Variants in GNAT2 observed in about 807,000 individuals in gnomAD.
The protein encoded by GNAT2 is guanine nucleotide-binding protein G(t) subunit alpha-2.
GNAT2 carries 32 observed loss-of-function variants against 40.9 expected under a neutral mutation model. The ratio of observed to expected loss-of-function variants is 0.78; its 90% CI spans 0.59 to 1.05. The LOEUF is 1.05. GNAT2 is among the 50% of genes least tolerant of loss of function. The pLI is 0.00. For synonymous variants in GNAT2, 141 were observed against 157.2 expected (o/e 0.90, Z 0.77); for missense variants, 355 against 431.5 (o/e 0.82, Z 1.57).
rs1476110210 is a variant in GNAT2 at position 109,603,452 on chromosome 1, T to C, written c.967A>G (p.Met323Val). Reference protein sequence around the residue: ...RKDVKEIYSHMTCATDTQNVK... With the variant: ...RKDVKEIYSHVTCATDTQNVK... ...TTCTGTGTATCTGTAGCACAGGTCA[T>C]GTGACTGTAGATTTCTTTGACATCT... The change falls in exon 9 of 9, where the codon ATG (methionine) becomes GTG (valine). Residue 323 changes from methionine to valine, a missense_variant. Coordinates refer to ENST00000679935, the MANE Select transcript of GNAT2 (RefSeq NM_001377295.2). The C allele has an allele frequency of 1.3e-6, 2 of 1,596,646 alleles. No homozygotes were observed. Among genetic ancestry groups the C allele is most frequent in the African/African-American group, 1.3e-5 (1 of 74,602 alleles).
chr1:109,605,714 G>A (rs1649571713), intron 7 of GNAT2: 5 of 450,354 alleles, frequency 1.1e-5, no homozygotes, highest in South Asian at 1.0e-4. Context: ...TGAGCTTTGT[G>A]ATGTCCAAGT....
At chr1:109,608,517 C>T (rs1649684367) in intron 5 of GNAT2, 114 bp downstream of exon 5, 1 of 946,984 alleles carries the variant, frequency 1.1e-6, no homozygotes. Flanking sequence ...CAGTCTGGGT[C>T]TCCAGCTTTC....
At chr1:109,608,341 G>T in intron 5 of GNAT2, 1 of 463,314 alleles carries the variant, frequency 2.2e-6, no homozygotes. Flanking sequence ...CAGGGCTGAG[G>T]GCTACTAGGC....
chr1:109,606,593 A>G (rs1469415982), intron 5 of GNAT2, 157 bp from the exon 6 acceptor site: 5 of 660,262 alleles, frequency 7.6e-6, no homozygotes, highest in Admixed American at 2.2e-5. Context: ...TCAAACCTTC[A>G]TATGTCATTA....
At chr1:109,606,557 T>C (rs1649604646) in intron 5 of GNAT2, 121 bp from the exon 6 acceptor site, 2 of 818,060 alleles carry the variant, frequency 2.4e-6, no homozygotes, top group Non-Finnish European at 4.2e-6. Flanking sequence ...CTAGAAGCCA[T>C]ATTGTTAAAT....
Position 109,606,117 on chromosome 1 carries a change from T to A in GNAT2, c.591-18A>T, listed in dbSNP as rs761188037. On this transcript the variant is annotated intron_variant, in intron 6 of 8. Coordinates refer to ENST00000679935, the MANE Select transcript of GNAT2 (RefSeq NM_001377295.2). ...CAAACATCCTGAGGGAAGAAGCAGC[T>A]ATTTTCATAGGTATGCCCAACATAC... The A allele has an allele frequency of 6.2e-7, 1 of 1,613,942 alleles. No homozygotes were observed.
intron 5 of GNAT2, chr1:109,606,667 T>G (rs573013539): frequency 1.8e-5 from 9 of 494,622 alleles, no homozygotes; most frequent in Non-Finnish European, 3.3e-5. Flanking sequence ...CCAGCGCATT[T>G]AAATCAAGTT....
At chr1:109,603,666 T>C in intron 8 of GNAT2, 122 bp from the exon 9 acceptor site, 4 of 747,188 alleles carry the variant, frequency 5.4e-6, no homozygotes, top group Non-Finnish European at 9.6e-6. Context: ...GGGGGCCTAT[T>C]TTTGGAGGGA....
intron 7 of GNAT2, chr1:109,604,470 G>C (rs1649533335): frequency 3.6e-6 from 1 of 278,990 alleles, no homozygotes; most frequent in Non-Finnish European, 7.0e-6. Flanking sequence ...CTGAGAACTT[G>C]ACATTTTATA....
chr1:109,606,430 C>G lies in GNAT2; in HGVS notation c.468G>C (p.Leu156=), dbSNP rs1649599155. 4 of 1,613,156 alleles carry G rather than the reference C, an allele frequency of 2.5e-6. No individual in the cohort carries two copies. The South Asian group carries it at 3.3e-5, about 13-fold the overall frequency. ...YQLNDSASYY[L]NQLERITDPE... ...GGTCTGTAATTCGTTCTAATTGGTT[C>G]AGGTAGCTAGAGAAAAGTGATTAGC... Residue 156 remains leucine, a synonymous_variant, in exon 6 of 9, where the codon CTG becomes CTC. Coordinates refer to ENST00000679935, the MANE Select transcript of GNAT2 (RefSeq NM_001377295.2).
chr1:109,612,887 G>A lies in GNAT2; in HGVS notation c.-17C>T. The A allele has an allele frequency of 4.1e-6, 6 of 1,455,932 alleles. No homozygotes were observed. The highest frequency in any genetic ancestry group is 5.8e-6 in the Non-Finnish European group (6 of 1,036,432). The allele number at this position is 1,455,932 out of a possible 1,614,324, so 90.2% of individuals were successfully genotyped here. A position where few individuals can be genotyped will look rare whatever the true frequency, so the allele number is the denominator to read the frequency against. ...ACTTCCCATATTTGCCGTCTTGTCA[G>A]CTTTTTCAGGCCCCTAATCCTCTCT... On this transcript the variant is annotated 5_prime_UTR_variant, in exon 2 of 9. Transcript: ENST00000679935.
intron 8 of GNAT2, 112 bp from the exon 9 acceptor site, chr1:109,603,656 G>A: frequency 1.3e-6 from 1 of 779,504 alleles, no homozygotes; most frequent in Non-Finnish European, 2.3e-6. Flanking sequence ...AACAGCAGTT[G>A]GGGGCCTATT....
chr1:109,610,026 T>C lies in GNAT2; in HGVS notation c.303+14A>G, dbSNP rs1649743584. 4.3e-6 allele frequency: 7 copies of C among 1,613,314 alleles called. No individual in the cohort carries two copies. The East Asian group carries it at 6.7e-5, about 15-fold the overall frequency. ...TCTGCTTCCACCCTTAACCACATAATAGTAATCACATACCGCACAGCTTGG... is the reference window on the plus strand; with the variant it reads ...TCTGCTTCCACCCTTAACCACATAACAGTAATCACATACCGCACAGCTTGG... On this transcript the variant is annotated intron_variant, in intron 4 of 8. Transcript: ENST00000679935.
chr1:109,605,887 G>T (rs2101123623), intron 7 of GNAT2, 83 bp downstream of exon 7: 1 of 1,215,082 alleles, frequency 8.2e-7, no homozygotes, highest in Non-Finnish European at 1.2e-6. Context: ...CTAAGTTGGG[G>T]CAGTAGAGTG....
chr1:109,619,306 A>C (rs913243536), intron 1 of GNAT2, among the ~76,000 whole-genome samples, 177 bp downstream of exon 1: 7 of 152,258 alleles, frequency 4.6e-5, no homozygotes, highest in Non-Finnish European at 8.8e-5. Flanking sequence ...GTACTCTTAC[A>C]CTCATTTTAC....
chr1:109,616,514 T>C (rs936038868), intron 1 of GNAT2: 3 of 152,188 alleles, frequency 2.0e-5, no homozygotes, highest in African/African-American at 7.2e-5. Context: ...TGGGAGGACA[T>C]GAAGGATGAG....
intron 6 of GNAT2, 100 bp from the exon 7 acceptor site, chr1:109,606,199 C>T: frequency 6.4e-7 from 1 of 1,571,396 alleles, no homozygotes; most frequent in South Asian, 1.1e-5. Flanking sequence ...GGGGGAGAAG[C>T]AGAACAGTAA....
In GNAT2 at chr1:109,610,121, A is replaced by G. The variant is rs1001929707; in HGVS notation, c.222T>C (p.Tyr74=). Residue 74 remains tyrosine, a synonymous_variant, in exon 4 of 9, where the codon TAT becomes TAC. Coordinates refer to ENST00000679935, the MANE Select transcript of GNAT2 (RefSeq NM_001377295.2). ...CCAGGATGGACTGCAGCACATTTCC[A>G]TAGATGATAGCCTTGAACTCCAGGC... ...EECLEFKAII[Y]GNVLQSILAI... is the part of the protein sequence containing the mutation. 6.2e-7 allele frequency: 1 copy of G among 1,613,858 alleles called. No homozygotes were observed. The highest frequency in any genetic ancestry group is 8.5e-7 in the Non-Finnish European group (1 of 1,179,736).
Position 109,610,491 on chromosome 1 carries a change from T to C in GNAT2, c.135A>G (p.Gly45=), listed in dbSNP as rs1169378709. 1.2e-6 allele frequency: 2 copies of C among 1,613,984 alleles called. No individual in the cohort carries two copies. The highest frequency in any genetic ancestry group is 1.1e-5 in the South Asian group (1 of 91,074). The stretch of plus-strand genomic sequence containing the variant: ...TCATCTGTTTGACGATGGTGCTCTT[T>C]CCTGACTCCCCAGCACCTGGAAGGA... ...KLLLLGAGES[G]KSTIVKQMKI... Residue 45 remains glycine, a synonymous_variant, in exon 3 of 9, where the codon GGA becomes GGG. Transcript: ENST00000679935.
Sources: gnomAD v4.1 joint callset for allele counts (sites outside exome capture counted in the v4.1 genomes callset) on GRCh38, gnomAD v4.1.1 for gene constraint, MANE v1.5 for transcripts, NCBI Gene and HGNC (gene_info 2026-07-23, HGNC 2026-07-21) for gene names.